The following ZMAT4 variants were observed in gnomAD, a reference collection of about 807,000 sequenced individuals.
ZMAT4 encodes the protein zinc finger matrin-type protein 4.
Under a neutral mutation model 28.7 loss-of-function variants are expected in ZMAT4, and 17 were observed. The observed-to-expected ratio is 0.59, with a 90% CI of 0.41 to 0.89. ZMAT4 has a LOEUF of 0.89. Ranked by LOEUF, ZMAT4 falls within the 40% of genes least tolerant of loss-of-function variation. The pLI, the probability that ZMAT4 is intolerant of heterozygous loss-of-function variation, is 0.00. For missense variants in ZMAT4, 240 were observed against 283.8 expected, an observed-to-expected ratio of 0.85 and a Z score of 1.11; for synonymous variants, 117 against 109.2, an observed-to-expected ratio of 1.07 and a Z score of -0.44.
intron 1 of ZMAT4, among the ~76,000 whole-genome samples, chr8:40,881,566 G>A (rs1237180868): frequency 3.0e-5 from 3 of 101,446 alleles, no homozygotes; most frequent in Admixed American, 1.0e-4. Context: ...AAGAAAGAAA[G>A]AAAGAAAGAA....
intron 1 of ZMAT4, among the ~76,000 whole-genome samples, chr8:40,860,365 A>T (rs1817446482): frequency 6.6e-6 from 1 of 152,194 alleles, no homozygotes. Context: ...TGTCCGCAGG[A>T]TTTACAGGCA....
At chr8:40,781,644 C>T (rs970272912) in intron 2 of ZMAT4, among the ~76,000 whole-genome samples, 1 of 147,718 alleles carries the variant, frequency 6.8e-6, no homozygotes, top group Non-Finnish European at 1.5e-5. Context: ...CGCCTGTAGT[C>T]CCAGCTACTT....
intron 4 of ZMAT4, among the ~76,000 whole-genome samples, chr8:40,696,721 G>A (rs1360182354): frequency 1.3e-5 from 2 of 151,882 alleles, no homozygotes; most frequent in East Asian, 3.9e-4. Context: ...TGATGAGAAT[G>A]TCATCTCAGA....
At chr8:40,665,412 G>C (rs1808369758) in intron 5 of ZMAT4, among the ~76,000 whole-genome samples, 1 of 152,076 alleles carries the variant, frequency 6.6e-6, no homozygotes, top group Admixed American at 6.6e-5. Context: ...GCATTACAGG[G>C]GGAGCTATTG....
At chr8:40,636,202 A>G (rs1237383793) in intron 5 of ZMAT4, among the ~76,000 whole-genome samples, 2 of 152,252 alleles carry the variant, frequency 1.3e-5, no homozygotes, top group African/African-American at 4.8e-5. Flanking sequence ...GTAAGCACAC[A>G]TACACATATA....
At chr8:40,849,319 G>C (rs1334268736) in intron 1 of ZMAT4, among the ~76,000 whole-genome samples, 2 of 152,164 alleles carry the variant, frequency 1.3e-5, no homozygotes, top group African/African-American at 4.8e-5. Context: ...AGAAAAACAG[G>C]CTTCCCTTCT....
intron 5 of ZMAT4, among the ~76,000 whole-genome samples, chr8:40,668,061 A>G (rs1420109306): frequency 6.6e-6 from 1 of 152,170 alleles, no homozygotes; most frequent in Non-Finnish European, 1.5e-5. Flanking sequence ...AGCAAAAGGA[A>G]GGTGAAGGAT....
intron 1 of ZMAT4, among the ~76,000 whole-genome samples, chr8:40,896,127 C>T (rs1267625737): frequency 6.6e-6 from 1 of 152,146 alleles, no homozygotes; most frequent in Non-Finnish European, 1.5e-5. Flanking sequence ...TCAATAATCA[C>T]AGTTCCCACC....
rs1193331811 is a variant in ZMAT4, at chr8:40,585,022, C to T, written c.578-3761G>A. Among the ~76,000 whole-genome samples the T allele has an allele frequency of 3.3e-5, 5 of 152,266 alleles. No homozygotes were observed. In the East Asian group the frequency reaches 9.7e-4, roughly 29 times the overall value. On this transcript the variant is annotated intron_variant, in intron 5 of 6. Transcript: ENST00000297737. The stretch of plus-strand genomic sequence containing the variant: ...GAACTGCCCACATCTACAATCTGAA[C>T]AAAGAGTAGAGTTTCCTGGAGGCGT...
intron 5 of ZMAT4, among the ~76,000 whole-genome samples, chr8:40,666,424 TC>T (rs1291926087): frequency 5.9e-5 from 9 of 152,144 alleles, no homozygotes; most frequent in African/African-American, 1.9e-4. Flanking sequence ...CATTTATAAT[TC>T]TTTGTTAATC....
intron 1 of ZMAT4, among the ~76,000 whole-genome samples, chr8:40,855,990 C>G (rs1817283883): frequency 6.6e-6 from 1 of 152,016 alleles, no homozygotes; most frequent in Non-Finnish European, 1.5e-5. Context: ...TACACCCAGC[C>G]ACCACCACAA....
intron 5 of ZMAT4, among the ~76,000 whole-genome samples, chr8:40,588,799 G>C (rs558638140): frequency 7.2e-5 from 11 of 152,126 alleles, no homozygotes; most frequent in African/African-American, 2.6e-4. Context: ...TTACCTAAAA[G>C]GAGCAAATAC....
intron 5 of ZMAT4, among the ~76,000 whole-genome samples, chr8:40,644,222 T>A (rs1479014722): frequency 1.3e-5 from 2 of 152,006 alleles, no homozygotes; most frequent in East Asian, 3.8e-4. Flanking sequence ...AAAGAGAAAA[T>A]CATTTAACCT....
chr8:40,796,112 G>A (rs1814586289), intron 2 of ZMAT4, among the ~76,000 whole-genome samples: 1 of 152,142 alleles, frequency 6.6e-6, no homozygotes, highest in African/African-American at 2.4e-5. Flanking sequence ...GGCTGACGCA[G>A]CTACAAAGAA....
At chr8:40,766,827 G>C (rs1472819023) in intron 3 of ZMAT4, among the ~76,000 whole-genome samples, 1 of 152,182 alleles carries the variant, frequency 6.6e-6, no homozygotes, top group Non-Finnish European at 1.5e-5. Flanking sequence ...AATGAGAAAA[G>C]AAAACCGTCA....
At chr8:40,586,832 C>A (rs1048822039) in intron 5 of ZMAT4, among the ~76,000 whole-genome samples, 3 of 151,884 alleles carry the variant, frequency 2.0e-5, no homozygotes, top group Non-Finnish European at 2.9e-5. Context: ...GGGAAAAAGA[C>A]AAGAAACAAG....
intron 2 of ZMAT4, among the ~76,000 whole-genome samples, chr8:40,787,496 T>C (rs1044657434): frequency 3.3e-5 from 5 of 152,242 alleles, no homozygotes; most frequent in Admixed American, 3.3e-4. Context: ...TATTCTTGTG[T>C]AAATCTTAGC....
intron 5 of ZMAT4, among the ~76,000 whole-genome samples, chr8:40,608,384 G>A (rs1000593588): frequency 1.3e-5 from 2 of 152,136 alleles, no homozygotes; most frequent in African/African-American, 4.8e-5. Flanking sequence ...GCCTCACTCA[G>A]CTTCCACACA....
intron 2 of ZMAT4, among the ~76,000 whole-genome samples, chr8:40,793,458 C>T (rs956377653): frequency 2.1e-4 from 32 of 152,268 alleles, no homozygotes; most frequent in African/African-American, 7.5e-4. Context: ...ATTTTCCAAT[C>T]GGGCAAGGGC....
Sources: gnomAD v4.1 joint callset for allele counts (sites outside exome capture counted in the v4.1 genomes callset) on GRCh38, gnomAD v4.1.1 for gene constraint, MANE v1.5 for transcripts, NCBI Gene and HGNC (gene_info 2026-07-23, HGNC 2026-07-21) for gene names.